ANTXR1: variants seen among roughly 807,000 people sequenced by gnomAD.
The protein encoded by ANTXR1 is ANTXR cell adhesion molecule 1, also known as anthrax toxin receptor 1.
In ANTXR1, 19 loss-of-function variants were observed where a neutral mutation model predicts 78.1. The ratio of observed to expected loss-of-function variants is 0.24; its 90% CI spans 0.17 to 0.36. The LOEUF (loss-of-function observed/expected upper bound fraction) is 0.36. Among genes scored for constraint, ANTXR1 ranks in the 10% least tolerant of loss-of-function variants. ANTXR1 has a pLI of 1.00. For synonymous variants in ANTXR1, 273 were observed against 260.5 expected (o/e 1.05, Z -0.46); for missense variants, 518 against 718.6 (o/e 0.72, Z 3.19).
chr2:69,198,747 C>T (rs76539729), intron 17 of ANTXR1, among the ~76,000 whole-genome samples: 7,057 of 152,254 alleles, frequency 0.046, 427 homozygotes, highest in African/African-American at 0.13. Context: ...TCCACACTTC[C>T]ACCCCCTCGG....
chr2:69,074,854 AT>A (rs891638247), intron 6 of ANTXR1, among the ~76,000 whole-genome samples: 7 of 152,118 alleles, frequency 4.6e-5, no homozygotes, highest in African/African-American at 1.2e-4. Context: ...AGGATTTTCA[AT>A]TTTTTTTCCA....
intron 11 of ANTXR1, among the ~76,000 whole-genome samples, chr2:69,123,677 G>C (rs1672429914): frequency 6.6e-6 from 1 of 152,192 alleles, no homozygotes; most frequent in Non-Finnish European, 1.5e-5. Context: ...AATTTATAGG[G>C]GAAAATCTCA....
intron 8 of ANTXR1, among the ~76,000 whole-genome samples, chr2:69,085,642 A>G (rs1279035706): frequency 6.6e-6 from 1 of 152,214 alleles, no homozygotes; most frequent in Non-Finnish European, 1.5e-5. Context: ...GAATATAATA[A>G]GTAAAAACAA....
At chr2:69,035,961 T>C (rs1011152685) in intron 1 of ANTXR1, among the ~76,000 whole-genome samples, 1 of 152,210 alleles carries the variant, frequency 6.6e-6, no homozygotes, top group Admixed American at 6.5e-5. Flanking sequence ...GATAGAAGTA[T>C]AGTGAAAATG....
chr2:69,182,067 G>A (rs1674289842), intron 15 of ANTXR1, 186 bp downstream of exon 15: 8 of 643,998 alleles, frequency 1.2e-5, no homozygotes, highest in Admixed American at 6.8e-5. Context: ...GAGGTCTGGT[G>A]GGGATATGGA....
At chr2:69,084,768 T>A (rs1053901226) in intron 8 of ANTXR1, among the ~76,000 whole-genome samples, 4 of 151,880 alleles carry the variant, frequency 2.6e-5, no homozygotes, top group Admixed American at 6.6e-5. Flanking sequence ...TCTATAGAAC[T>A]GACATGGATC....
intron 14 of ANTXR1, among the ~76,000 whole-genome samples, chr2:69,175,309 G>A (rs923254529): frequency 2.0e-5 from 3 of 152,156 alleles, no homozygotes; most frequent in African/African-American, 7.2e-5. Context: ...TCATCATGAA[G>A]CTTTAGAATA....
intron 17 of ANTXR1, among the ~76,000 whole-genome samples, chr2:69,238,277 T>C (rs2104529175): frequency 6.6e-6 from 1 of 152,332 alleles, no homozygotes; most frequent in South Asian, 2.1e-4. Flanking sequence ...ATGTGGTTGC[T>C]GGGGTCCATT....
chr2:69,091,864 G>T (rs1032927007), intron 9 of ANTXR1, among the ~76,000 whole-genome samples: 2 of 152,138 alleles, frequency 1.3e-5, no homozygotes, highest in Non-Finnish European at 2.9e-5. Context: ...CAAAATCAGG[G>T]TCATGCTCGT....
At chr2:69,109,542 CCAAA>C (rs2104339489) in intron 10 of ANTXR1, among the ~76,000 whole-genome samples, 1 of 152,306 alleles carries the variant, frequency 6.6e-6, no homozygotes, top group East Asian at 1.9e-4. Context: ...ATAAACAGAA[CCAAA>C]CACTTAGGTG....
chr2:69,137,390 T>C (rs560908726), intron 12 of ANTXR1, among the ~76,000 whole-genome samples: 3 of 152,310 alleles, frequency 2.0e-5, no homozygotes, highest in African/African-American at 7.2e-5. Flanking sequence ...AGAAGGCATA[T>C]GGCCTAAGAA....
chr2:69,058,760 C>T (rs957721297), intron 3 of ANTXR1, among the ~76,000 whole-genome samples: 1 of 152,154 alleles, frequency 6.6e-6, no homozygotes, highest in Non-Finnish European at 1.5e-5. Context: ...TCTGATGGAT[C>T]TTGGCAAAGT....
chr2:69,193,077 G>T (rs1674578246), intron 16 of ANTXR1, among the ~76,000 whole-genome samples: 1 of 152,158 alleles, frequency 6.6e-6, no homozygotes, highest in African/African-American at 2.4e-5. Context: ...AGTTATGTTT[G>T]CAAACTTGGG....
At chr2:69,186,968 A>G (rs1177112368) in intron 16 of ANTXR1, among the ~76,000 whole-genome samples, 1 of 152,208 alleles carries the variant, frequency 6.6e-6, no homozygotes, top group Non-Finnish European at 1.5e-5. Context: ...ATAAGCAAGG[A>G]GAACAACAGC....
At chr2:69,040,545 G>GT (rs1205499469) in intron 2 of ANTXR1, among the ~76,000 whole-genome samples, 4 of 152,134 alleles carry the variant, frequency 2.6e-5, no homozygotes, top group African/African-American at 4.8e-5. Flanking sequence ...CACATCCTAA[G>GT]GGGAACCCTC....
At chr2:69,155,647 G>A (rs80237861) in intron 13 of ANTXR1, among the ~76,000 whole-genome samples, 1 of 152,150 alleles carries the variant, frequency 6.6e-6, no homozygotes, top group African/African-American at 2.4e-5. Context: ...TGTTATGAAT[G>A]GCTTGAATGT....
At chr2:69,188,928 C>T (rs1244380239) in intron 16 of ANTXR1, among the ~76,000 whole-genome samples, 1 of 152,224 alleles carries the variant, frequency 6.6e-6, no homozygotes, top group Admixed American at 6.5e-5. Context: ...CAGACTTCTG[C>T]CTACATTCAG....
At chr2:69,103,127 G>A (rs1028656724) in intron 10 of ANTXR1, 187 bp downstream of exon 10, 17 of 684,764 alleles carry the variant, frequency 2.5e-5, no homozygotes, top group Non-Finnish European at 4.2e-5. Flanking sequence ...CACCACTTGG[G>A]TGGGCACAGC....
intron 1 of ANTXR1, among the ~76,000 whole-genome samples, chr2:69,018,024 CTATGT>C (rs1012485573): frequency 3.9e-4 from 59 of 152,178 alleles, no homozygotes; most frequent in African/African-American, 1.3e-3. Context: ...AAGTGGCTGG[CTATGT>C]TATGTGTGCC....
Sources: allele counts gnomAD v4.1 joint callset (sites outside exome capture counted in the v4.1 genomes callset), GRCh38; gene constraint gnomAD v4.1.1; transcripts MANE v1.5; gene names NCBI Gene and HGNC (gene_info 2026-07-23, HGNC 2026-07-21).